LTK: variants seen among roughly 807,000 people sequenced by gnomAD.
The protein encoded by LTK is leukocyte tyrosine kinase receptor.
In LTK, 117 loss-of-function variants were observed where a neutral mutation model predicts 101.5. The observed-to-expected ratio is 1.15, with a 90% CI of 0.99 to 1.34. The LOEUF (loss-of-function observed/expected upper bound fraction) is 1.34. LTK is among the 40% of genes most tolerant of loss of function. The pLI is 0.00. For missense variants in LTK, 1,252 were observed against 1,164.7 expected, an observed-to-expected ratio of 1.07 and a Z score of -1.09; for synonymous variants, 563 against 494.2, an observed-to-expected ratio of 1.14 and a Z score of -1.85.
chr15:41,511,180 G>A lies in LTK; in HGVS notation c.981C>T (p.Gly327=), dbSNP rs754210035. 3.9e-5 allele frequency: 54 copies of A among 1,401,366 alleles called. No individual in the cohort carries two copies. The South Asian group carries it at 8.2e-4, about 21-fold the overall frequency. 86.8% of individuals were successfully genotyped at this position (1,401,366 alleles called of 1,614,324 possible). ...TGCACCTACCCCTGTAGCCGCCGCCGCCTCCGCCCGCAGTGCAGGCCCCGC... is the reference window on the plus strand; with the variant it reads ...TGCACCTACCCCTGTAGCCGCCGCCACCTCCGCCCGCAGTGCAGGCCCCGC... ...GGGGACTAGG[G]GGGYRGGDAS... is the part of the protein sequence containing the mutation. The change falls in exon 7 of 20, where the codon GGC becomes GGT. Residue 327 remains glycine (G), a synonymous_variant. Coordinates refer to ENST00000263800, the MANE Select transcript of LTK (RefSeq NM_002344.6). The surrounding 1 kb of genome is among the most constrained non-coding windows in gnomAD (Gnocchi z 5.9).
intron 11 of LTK, 121 bp from the exon 12 acceptor site, chr15:41,506,126 T>C (rs752849347): frequency 8.9e-5 from 57 of 638,524 alleles, no homozygotes; most frequent in Admixed American, 5.0e-4. Flanking sequence ...ATATAGACTC[T>C]CTCCATACCA....
Position 41,504,405 on chromosome 15 carries a change from C to T in LTK, c.2283G>A (p.Gln761=). 3.1e-6 allele frequency: 5 copies of T among 1,614,162 alleles called. No individual in the cohort carries two copies. The highest frequency in any genetic ancestry group is 4.2e-6 in the Non-Finnish European group (5 of 1,180,012). Residue 761 remains glutamine (Q), a synonymous_variant, in exon 19 of 20, where the codon CAG becomes CAA. Transcript: ENST00000263800. ...AGCTAGGGCGGAGCTCAGGCTCGTG[C>T]TGCCAACACTGGGTCATGATGCGGT... is the stretch of plus-strand genomic sequence containing the variant. ...PVYRIMTQCW[Q]HEPELRPSFA...
At chr15:41,512,634 G>T in intron 3 of LTK, 73 bp downstream of exon 3, 1 of 1,441,318 alleles carries the variant, frequency 6.9e-7, no homozygotes, top group South Asian at 1.4e-5. Flanking sequence ...GTGCGCACGT[G>T]GACTTCGTTA....
Position 41,511,454 on chromosome 15 carries a change from G to T in LTK, c.782C>A (p.Ala261Glu). 1.4e-6 allele frequency: 2 copies of T among 1,412,720 alleles called. No homozygotes were observed. Among genetic ancestry groups the T allele is most frequent in the Non-Finnish European group, 1.8e-6 (2 of 1,088,520 alleles). The allele number at this position is 1,412,720 out of a possible 1,614,324, so 87.5% of individuals were successfully genotyped here. A position where few individuals can be genotyped will look rare whatever the true frequency, so the allele number is the denominator to read the frequency against. Residue 261 changes from alanine to glutamate, a missense_variant, in exon 6 of 20, where the codon GCG (alanine) becomes GAG (glutamate). Ala to Glu is a moderately radical substitution (Grantham distance 107, BLOSUM62 -1). Coordinates refer to ENST00000263800, the MANE Select transcript of LTK (RefSeq NM_002344.6). The surrounding 1 kb of genome is among the most constrained non-coding windows in gnomAD (Gnocchi z 5.9). ...SPEKLENRSE[A>E]PGSGGRGGAA... is the part of the protein sequence containing the mutation. Reference sequence around the variant, plus strand: ...CCCGCCTCTCCCGCCGCTCCCGGGCGCCTCCGAGCGGTTCTCCAGTTTCTC... The same window carrying T: ...CCCGCCTCTCCCGCCGCTCCCGGGCTCCTCCGAGCGGTTCTCCAGTTTCTC...
At chr15:41,513,183 G>C (rs2051550661) in intron 1 of LTK, 63 bp from the exon 2 acceptor site, 2 of 1,505,482 alleles carry the variant, frequency 1.3e-6, no homozygotes, top group Non-Finnish European at 1.8e-6. Context: ...ATGAAAGAAA[G>C]AGAGAACCCC....
At position 41,511,239 on chromosome 15, in the gene LTK, C is replaced by G. The variant is rs1179104514; in HGVS notation, c.922G>C (p.Gly308Arg). Residue 308 changes from glycine to arginine, a missense_variant, in exon 7 of 20, where the codon GGC (glycine) becomes CGC (arginine). Gly to Arg is a moderately radical substitution (Grantham distance 125). Transcript: ENST00000263800. The surrounding 1 kb of genome is among the most constrained non-coding windows in gnomAD (Gnocchi z 5.9). ...QGCSEAWATLGWAAAGGFGGG... is the reference protein window; with the variant it reads ...QGCSEAWATLRWAAAGGFGGG... ...CCGAAGCCGCCGGCCGCGGCCCAGC[C>G]AAGGGTCGCCCAAGCCTCGGAGCAG... 2 of 1,419,658 alleles carry G rather than the reference C, an allele frequency of 1.4e-6. No individual in the cohort carries two copies. The highest frequency in any genetic ancestry group is 3.1e-5 in the East Asian group (1 of 32,288). The allele number at this position is 1,419,658 out of a possible 1,614,324, so 87.9% of individuals were successfully genotyped here. A position where few individuals can be genotyped will look rare whatever the true frequency, so the allele number is the denominator to read the frequency against.
At position 41,512,723 on chromosome 15, in the gene LTK, C is replaced by A. The variant is rs1382447534; in HGVS notation, c.343G>T (p.Gly115Cys). Reference sequence around the variant, plus strand: ...TGCACTTACAGATACTGGCCAGGGCCCGGCACGCGCCACAGCTGCACGCCT... The same window carrying A: ...TGCACTTACAGATACTGGCCAGGGCACGGCACGCGCCACAGCTGCACGCCT... ...LRGVQLWRVPGPGQYLISAYG... is the reference protein window; with the variant it reads ...LRGVQLWRVPCPGQYLISAYG... The change falls in exon 3 of 20, where the codon GGC (glycine) becomes TGC (cysteine). Residue 115 changes from glycine (G) to cysteine (C), a missense_variant. By Grantham distance (159) the Gly-to-Cys change is radical. Transcript: ENST00000263800. 1.3e-6 allele frequency: 2 copies of A among 1,597,358 alleles called. No homozygotes were observed. Among genetic ancestry groups the A allele is most frequent in the Non-Finnish European group, 8.5e-7 (1 of 1,174,228 alleles).
At chr15:41,510,344 C>T (rs1235068560) in intron 7 of LTK, among the ~76,000 whole-genome samples, 1 of 151,988 alleles carries the variant, frequency 6.6e-6, no homozygotes, top group African/African-American at 2.4e-5. Context: ...TCATTAACTA[C>T]AGTCACCATG....
At chr15:41,505,141 T>A in intron 15 of LTK, 67 bp downstream of exon 15, 1 of 1,584,308 alleles carries the variant, frequency 6.3e-7, no homozygotes, top group Non-Finnish European at 8.6e-7. Context: ...TTAAAAGCTG[T>A]GTGGAAGGGC....
intron 8 of LTK, 157 bp from the exon 9 acceptor site, chr15:41,508,378 G>A: frequency 1.9e-6 from 1 of 515,424 alleles, no homozygotes; most frequent in Non-Finnish European, 3.2e-6. Flanking sequence ...AGACCAGCCT[G>A]GCCAACCCCG....
At chr15:41,505,674 C>A in intron 13 of LTK, 39 bp downstream of exon 13, 1 of 1,612,032 alleles carries the variant, frequency 6.2e-7, no homozygotes, top group Non-Finnish European at 8.5e-7. Flanking sequence ...CGGGCATTCC[C>A]CTCCCGCCTT....
chr15:41,504,455 G>A (rs935798823), intron 18 of LTK, 23 bp from the exon 19 acceptor site: 2 of 1,613,844 alleles, frequency 1.2e-6, no homozygotes, highest in African/African-American at 1.3e-5. Context: ...AGGAGTTCAT[G>A]CCCACCCATG....
At chr15:41,512,679 G>T (rs2051523046) in intron 3 of LTK, 28 bp downstream of exon 3, 2 of 1,526,846 alleles carry the variant, frequency 1.3e-6, no homozygotes, top group Middle Eastern at 2.3e-4. Flanking sequence ...GCAGGTCACT[G>T]TCCACCCTAC....
Position 41,511,827 on chromosome 15 carries a change from T to G in LTK, c.647A>C (p.Tyr216Ser). 6.7e-7 allele frequency: 1 copy of G among 1,489,214 alleles called. No individual in the cohort carries two copies. The highest frequency in any genetic ancestry group is 1.3e-5 in the South Asian group (1 of 78,186). The allele number at this position is 1,489,214 out of a possible 1,614,324, so 92.3% of individuals were successfully genotyped here. A position where few individuals can be genotyped will look rare whatever the true frequency, so the allele number is the denominator to read the frequency against. Residue 216 changes from tyrosine to serine, a missense_variant, in exon 5 of 20, where the codon TAC becomes TCC. Transcript: ENST00000263800. The surrounding 1 kb of genome is among the most constrained non-coding windows in gnomAD (Gnocchi z 5.9). ...GGGGGGGGAT[Y>S]VFRVRAGELE... ...GAAGGGAGCACGTACCCGGAAAACGTAGGTGGCGCCCCCGCCACCCCCGCC... is the reference window on the plus strand; with the variant it reads ...GAAGGGAGCACGTACCCGGAAAACGGAGGTGGCGCCCCCGCCACCCCCGCC...
In LTK at chr15:41,509,018, T is replaced by C. The variant is rs771133749; in HGVS notation, c.1096+13A>G. The C allele has an allele frequency of 4.4e-6, 7 of 1,585,288 alleles. No individual in the cohort carries two copies. The highest frequency in any genetic ancestry group is 6.0e-6 in the Non-Finnish European group (7 of 1,162,778). On this transcript the variant is annotated intron_variant, in intron 8 of 19. Transcript: ENST00000263800. ...GTCCAGGCCAGGCTCAGAGGTGGGG[T>C]TGGGGCCAATACCTGCCAGAGGCTG...
At chr15:41,508,324 T>A (rs1457517473) in intron 8 of LTK, 103 bp from the exon 9 acceptor site, 20 of 991,674 alleles carry the variant, frequency 2.0e-5, no homozygotes, top group Middle Eastern at 2.6e-4. Context: ...ATCATTGCAC[T>A]TTGGGAGGCC....
At chr15:41,509,010 A>T in intron 8 of LTK, 21 bp downstream of exon 8, 1 of 1,560,486 alleles carries the variant, frequency 6.4e-7, no homozygotes, top group Non-Finnish European at 8.7e-7. Flanking sequence ...CCAGGCTCAG[A>T]GGTGGGGTTG....
In LTK at chr15:41,513,019, G is replaced by A; in HGVS notation, c.145C>T (p.Pro49Ser). The change falls in exon 2 of 20, where the codon CCG (proline) becomes TCG (serine). Residue 49 changes from proline to serine, a missense_variant. By Grantham distance (74) the Pro-to-Ser change is moderately conservative (BLOSUM62 -1). Transcript: ENST00000263800. ...GAGGCTGGCTCCAAGATACTAGGCGGGGCGCTGACTTTCGGGTCCCGGGGG... is the reference window on the plus strand; with the variant it reads ...GAGGCTGGCTCCAAGATACTAGGCGAGGCGCTGACTTTCGGGTCCCGGGGG... ...PSPRDPKVSA[P>S]PSILEPASPL... 1 of 1,613,092 alleles carries A rather than the reference G, an allele frequency of 6.2e-7. No individual in the cohort carries two copies. Among genetic ancestry groups the A allele is most frequent in the Non-Finnish European group, 8.5e-7 (1 of 1,179,834 alleles).
chr15:41,513,639 G>T, intron 1 of LTK, 28 bp downstream of exon 1: 1 of 1,610,966 alleles, frequency 6.2e-7, no homozygotes, highest in South Asian at 1.1e-5. Context: ...CAGGCTGGAC[G>T]GTCCCCTGAC....
Sources: allele counts gnomAD v4.1 joint callset (sites outside exome capture counted in the v4.1 genomes callset), GRCh38; gene constraint gnomAD v4.1.1; non-coding constraint Gnocchi (gnomAD v3.1); transcripts MANE v1.5; gene names NCBI Gene and HGNC (gene_info 2026-07-23, HGNC 2026-07-21).